Variants in TBC1D22A observed in about 807,000 individuals in gnomAD.
TBC1D22A encodes putative GTPase activator.
TBC1D22A carries 38 observed loss-of-function variants against 60.2 expected under a neutral mutation model. The observed-to-expected ratio is 0.63, with a 90% CI of 0.49 to 0.83. TBC1D22A has a LOEUF of 0.83. TBC1D22A is among the 40% of genes least tolerant of loss of function. The pLI, the probability that TBC1D22A is intolerant of heterozygous loss-of-function variation, is 0.00. For missense variants in TBC1D22A, 628 were observed against 701.0 expected, an observed-to-expected ratio of 0.90 and a Z score of 1.18; for synonymous variants, 302 against 281.7, an observed-to-expected ratio of 1.07 and a Z score of -0.72.
In TBC1D22A at chr22:46,774,812, C is replaced by G. The variant is rs1169049354; in HGVS notation, c.62+11964C>G. ...TCCCTCCTGGGTGTTCTTGCTCATG[C>G]TTGGGTTCATTTGAGCGCTGCCTCG... On this transcript the variant is annotated intron_variant, in intron 1 of 12. Coordinates refer to ENST00000337137, the MANE Select transcript of TBC1D22A (RefSeq NM_014346.5). 2.0e-5 allele frequency among the ~76,000 whole-genome samples: 3 copies of G among 152,326 alleles called. No homozygotes were observed. The East Asian group carries it at 5.8e-4, about 29-fold the overall frequency.
intron 11 of TBC1D22A, among the ~76,000 whole-genome samples, chr22:47,097,470 C>T (rs149298991): frequency 0.013 from 1,907 of 151,982 alleles, 30 homozygotes; most frequent in African/African-American, 0.044. Context: ...AAAAATTAGC[C>T]GGGCGTGGTG....
chr22:46,796,690 G>T (rs2084668388), intron 3 of TBC1D22A, among the ~76,000 whole-genome samples: 1 of 142,702 alleles, frequency 7.0e-6, no homozygotes, highest in South Asian at 2.2e-4. Flanking sequence ...ATCCCCCTGG[G>T]CCTGTCCGTC....
chr22:46,930,338 T>C (rs1602527885), intron 8 of TBC1D22A, among the ~76,000 whole-genome samples: 1 of 152,170 alleles, frequency 6.6e-6, no homozygotes, highest in African/African-American at 2.4e-5. Flanking sequence ...ATAGGTTGGG[T>C]TAGGTTTTAA....
intron 4 of TBC1D22A, among the ~76,000 whole-genome samples, chr22:46,866,338 C>T (rs1022308586): frequency 1.5e-4 from 23 of 152,118 alleles, no homozygotes; most frequent in Admixed American, 1.5e-3. Flanking sequence ...CTCCTGACCT[C>T]AAGTGATCGG....
chr22:46,770,413 G>T (rs527504834), intron 1 of TBC1D22A, among the ~76,000 whole-genome samples: 4 of 152,334 alleles, frequency 2.6e-5, no homozygotes, highest in Admixed American at 2.0e-4. Flanking sequence ...CCGGATTTCT[G>T]ACCTTCAGAA....
At position 46,835,452 on chromosome 22, in the gene TBC1D22A, T is replaced by C. The variant is rs575512548; in HGVS notation, c.637+37832T>C. 2.6e-5 allele frequency among the ~76,000 whole-genome samples: 4 copies of C among 152,226 alleles called. No individual in the cohort carries two copies. In the South Asian group the frequency reaches 8.3e-4, roughly 32 times the overall value. On this transcript the variant is annotated intron_variant, in intron 4 of 12. Transcript: ENST00000337137. ...GAGCTGAAGAATACAAAGACTGAAC[T>C]ATGAAATGCAATTGAGAGCTTTAAC...
chr22:46,994,086 G>A (rs2075039065), intron 9 of TBC1D22A, among the ~76,000 whole-genome samples: 2 of 152,246 alleles, frequency 1.3e-5, no homozygotes, highest in Non-Finnish European at 2.9e-5. Flanking sequence ...TCAAAATGCA[G>A]ACCTTTTCGT....
intron 8 of TBC1D22A, among the ~76,000 whole-genome samples, chr22:46,934,906 G>A (rs1416894765): frequency 6.6e-6 from 1 of 152,224 alleles, no homozygotes; most frequent in Non-Finnish European, 1.5e-5. Context: ...TTTTCACAAG[G>A]CCAGCTTGCC....
chr22:46,823,181 A>G (rs185303879), intron 4 of TBC1D22A, among the ~76,000 whole-genome samples: 2 of 152,330 alleles, frequency 1.3e-5, no homozygotes, highest in East Asian at 3.9e-4. Context: ...TTGAGGGTCC[A>G]TGACAGTGTC....
chr22:46,903,118 C>T (rs1398859016), intron 7 of TBC1D22A, among the ~76,000 whole-genome samples: 2 of 152,180 alleles, frequency 1.3e-5, no homozygotes, highest in African/African-American at 4.8e-5. Flanking sequence ...CCTGGAGTCT[C>T]TGTGGATCTC....
chr22:47,016,972 A>G (rs1004663296), intron 10 of TBC1D22A, among the ~76,000 whole-genome samples: 1 of 152,090 alleles, frequency 6.6e-6, no homozygotes, highest in Non-Finnish European at 1.5e-5. Flanking sequence ...GTTTTGTCTG[A>G]CGCGCTCAGG....
intron 8 of TBC1D22A, among the ~76,000 whole-genome samples, chr22:46,963,794 G>A (rs1213879802): frequency 6.6e-6 from 1 of 152,246 alleles, no homozygotes; most frequent in African/African-American, 2.4e-5. Flanking sequence ...AGGACACAGT[G>A]TGGCTGGTGC....
intron 8 of TBC1D22A, chr22:46,916,065 A>C: frequency 2.5e-6 from 1 of 397,326 alleles, no homozygotes; most frequent in Admixed American, 3.3e-5. Context: ...ATATGCATGT[A>C]GTGAATTGTA....
intron 7 of TBC1D22A, among the ~76,000 whole-genome samples, chr22:46,898,883 A>G (rs745967315): frequency 8.5e-5 from 13 of 152,288 alleles, no homozygotes; most frequent in East Asian, 7.7e-4. Flanking sequence ...CTTTGGCTCA[A>G]TGAGTTTGGG....
chr22:46,826,518 G>T (rs2086073335), intron 4 of TBC1D22A, among the ~76,000 whole-genome samples: 1 of 152,114 alleles, frequency 6.6e-6, no homozygotes, highest in Non-Finnish European at 1.5e-5. Context: ...AATTTCCTGA[G>T]CGGATTTTTC....
chr22:46,992,712 C>CATTAAT (rs2074991168), intron 9 of TBC1D22A, among the ~76,000 whole-genome samples: 3 of 152,296 alleles, frequency 2.0e-5, no homozygotes, highest in Non-Finnish European at 2.9e-5. Flanking sequence ...TGGACTGATG[C>CATTAAT]GTTAATGGCT....
At chr22:46,924,802 G>A (rs1220940315) in intron 8 of TBC1D22A, among the ~76,000 whole-genome samples, 1 of 152,042 alleles carries the variant, frequency 6.6e-6, no homozygotes, top group East Asian at 1.9e-4. Context: ...GATTCTTAAA[G>A]TATAGATTGT....
intron 7 of TBC1D22A, among the ~76,000 whole-genome samples, chr22:46,909,310 ACACT>A (rs1315303457): frequency 6.6e-6 from 1 of 151,940 alleles, no homozygotes; most frequent in African/African-American, 2.4e-5. Context: ...ACACACACAC[ACACT>A]CACACACTCA....
At chr22:47,035,508 C>T (rs979388649) in intron 10 of TBC1D22A, among the ~76,000 whole-genome samples, 3 of 152,170 alleles carry the variant, frequency 2.0e-5, no homozygotes, top group African/African-American at 7.2e-5. Context: ...TGGAATGGAG[C>T]GTGTATTGCT....
Sources: allele counts gnomAD v4.1 joint callset (sites outside exome capture counted in the v4.1 genomes callset), GRCh38; gene constraint gnomAD v4.1.1; transcripts MANE v1.5; gene names NCBI Gene and HGNC (gene_info 2026-07-23, HGNC 2026-07-21).